Variants in NRG3 observed in about 807,000 individuals in gnomAD.
The protein encoded by NRG3 is neuregulin 3.
NRG3 carries 31 observed loss-of-function variants against 66.9 expected under a neutral mutation model. The ratio of observed to expected loss-of-function variants is 0.46; its 90% CI spans 0.35 to 0.63. The LOEUF is 0.63. Ranked by LOEUF, NRG3 falls within the 20% of genes least tolerant of loss-of-function variation. The pLI is 0.00. For missense variants in NRG3, 910 were observed against 878.9 expected (o/e 1.04, Z -0.45); for synonymous variants, 393 against 359.4 (o/e 1.09, Z -1.06).
chr10:82,393,591 G>C (rs777868457), intron 2 of NRG3, among the ~76,000 whole-genome samples: 3 of 152,156 alleles, frequency 2.0e-5, no homozygotes, highest in Non-Finnish European at 4.4e-5. Context: ...TCTTCATTTT[G>C]TCCCTTAGGA....
intron 2 of NRG3, among the ~76,000 whole-genome samples, chr10:82,561,665 A>G (rs1167779153): frequency 2.6e-5 from 4 of 152,172 alleles, no homozygotes; most frequent in Non-Finnish European, 5.9e-5. Context: ...CATCCTTAAA[A>G]TGGATCCTAA....
intron 2 of NRG3, among the ~76,000 whole-genome samples, chr10:82,597,897 G>A (rs2047382380): frequency 6.8e-6 from 1 of 148,036 alleles, no homozygotes; most frequent in South Asian, 2.1e-4. Context: ...CTCCAGCCTG[G>A]TGACAGGGCG....
chr10:82,525,378 G>C (rs986308176), intron 2 of NRG3, among the ~76,000 whole-genome samples: 60 of 151,950 alleles, frequency 3.9e-4, no homozygotes, highest in African/African-American at 1.4e-3. Context: ...AGTTTAACAG[G>C]AAATCCTCCT....
intron 1 of NRG3, among the ~76,000 whole-genome samples, chr10:82,040,820 T>C (rs1049332122): frequency 3.3e-5 from 5 of 152,076 alleles, no homozygotes; most frequent in African/African-American, 1.2e-4. Context: ...CCTGCCCCAG[T>C]ATATGTCAGC....
intron 2 of NRG3, among the ~76,000 whole-genome samples, chr10:82,364,555 A>C (rs533022494): frequency 7.9e-5 from 12 of 152,306 alleles, no homozygotes; most frequent in African/African-American, 2.6e-4. Flanking sequence ...ACTAGATTGA[A>C]AAGAGGTAGC....
At chr10:82,194,826 G>T (rs1450094041) in intron 1 of NRG3, among the ~76,000 whole-genome samples, 1 of 152,142 alleles carries the variant, frequency 6.6e-6, no homozygotes, top group Non-Finnish European at 1.5e-5. Flanking sequence ...GCTTGCGAAA[G>T]ACCTCGTATC....
At chr10:82,953,333 G>C (rs1409141525) in intron 5 of NRG3, among the ~76,000 whole-genome samples, 1 of 152,042 alleles carries the variant, frequency 6.6e-6, no homozygotes, top group Non-Finnish European at 1.5e-5. Context: ...GAAAATGACA[G>C]ATAGGTTCTT....
At position 82,451,609 on chromosome 10, in the gene NRG3, G is replaced by A. The variant is rs546747653; in HGVS notation, c.953+92741G>A. On this transcript the variant is annotated intron_variant, in intron 2 of 8. Coordinates refer to ENST00000372141, the MANE Select transcript of NRG3 (RefSeq NM_001010848.4). ...CAAGTAGTTTATTTAACTTCTCAGA[G>A]GAAGAGCAGCAAATGTAAATAAAAT... Among the ~76,000 whole-genome samples, 5 of 152,196 alleles carry A rather than the reference G, an allele frequency of 3.3e-5. No homozygotes were observed. In the South Asian group the frequency reaches 1.0e-3, roughly 32 times the overall value.
At chr10:82,531,369 G>C (rs1357283021) in intron 2 of NRG3, among the ~76,000 whole-genome samples, 1 of 151,472 alleles carries the variant, frequency 6.6e-6, no homozygotes, top group Non-Finnish European at 1.5e-5. Context: ...TTAGTTCGAT[G>C]ATGTTATTTT....
chr10:82,904,067 A>G (rs1844488925), intron 4 of NRG3, among the ~76,000 whole-genome samples: 1 of 152,124 alleles, frequency 6.6e-6, no homozygotes, highest in Non-Finnish European at 1.5e-5. Context: ...AATATGCAGA[A>G]TAGATTTTCT....
At chr10:81,952,991 C>A (rs937705055) in intron 1 of NRG3, among the ~76,000 whole-genome samples, 1 of 152,120 alleles carries the variant, frequency 6.6e-6, no homozygotes, top group Non-Finnish European at 1.5e-5. Flanking sequence ...CTGGCCTCAT[C>A]TGCAGCAGGC....
chr10:82,024,731 A>G (rs12266991), intron 1 of NRG3, among the ~76,000 whole-genome samples: 12,420 of 152,038 alleles, frequency 0.082, 1,676 homozygotes, highest in African/African-American at 0.28. Flanking sequence ...TCACTGAAAA[A>G]ATGCGGAAAA....
At chr10:82,446,576 G>A (rs528546747) in intron 2 of NRG3, among the ~76,000 whole-genome samples, 52 of 152,274 alleles carry the variant, frequency 3.4e-4, no homozygotes, top group Non-Finnish European at 6.9e-4. Flanking sequence ...ATAAGTGGGA[G>A]CTGAACGATG....
intron 1 of NRG3, among the ~76,000 whole-genome samples, chr10:81,925,599 T>G (rs1449021760): frequency 6.6e-6 from 1 of 152,222 alleles, no homozygotes; most frequent in Admixed American, 6.5e-5. Flanking sequence ...TACTTTCTTT[T>G]GTCAATCCAG....
At chr10:82,111,657 A>G (rs1272328955) in intron 1 of NRG3, among the ~76,000 whole-genome samples, 1 of 152,130 alleles carries the variant, frequency 6.6e-6, no homozygotes, top group African/African-American at 2.4e-5. Context: ...ACAATTATCC[A>G]GCAGCCCACA....
At chr10:82,395,055 G>A (rs2086631240) in intron 2 of NRG3, among the ~76,000 whole-genome samples, 1 of 152,144 alleles carries the variant, frequency 6.6e-6, no homozygotes, top group African/African-American at 2.4e-5. Flanking sequence ...GGAAGTAGAG[G>A]CCTGAAATGG....
chr10:82,784,435 G>A (rs905250812), intron 3 of NRG3, among the ~76,000 whole-genome samples: 2 of 151,822 alleles, frequency 1.3e-5, no homozygotes, highest in African/African-American at 4.8e-5. Flanking sequence ...TACAAAATGG[G>A]AGAAAATTTT....
intron 1 of NRG3, among the ~76,000 whole-genome samples, chr10:82,271,227 G>A (rs1316971142): frequency 1.3e-5 from 2 of 151,964 alleles, no homozygotes; most frequent in Non-Finnish European, 2.9e-5. Flanking sequence ...TATTTATAGA[G>A]GACTTCCATC....
At chr10:82,631,307 G>A (rs1180820535) in intron 2 of NRG3, among the ~76,000 whole-genome samples, 6 of 152,100 alleles carry the variant, frequency 3.9e-5, no homozygotes, top group African/African-American at 1.4e-4. Flanking sequence ...CTTGCTAGAT[G>A]ATCATGACTT....
Sources: allele counts gnomAD v4.1 joint callset (sites outside exome capture counted in the v4.1 genomes callset), GRCh38; gene constraint gnomAD v4.1.1; transcripts MANE v1.5; gene names NCBI Gene and HGNC (gene_info 2026-07-23, HGNC 2026-07-21).